RARB: variants seen among roughly 807,000 people sequenced by gnomAD.
The protein encoded by RARB is retinoic acid receptor beta.
A neutral mutation model predicts 51.9 loss-of-function variants in RARB; 17 were observed. The ratio of observed to expected loss-of-function variants is 0.33; its 90% CI spans 0.22 to 0.49. RARB has a LOEUF of 0.49. Ranked by LOEUF, RARB falls within the 20% of genes least tolerant of loss-of-function variation. The pLI is 0.99. For missense variants in RARB, 369 were observed against 550.8 expected, an observed-to-expected ratio of 0.67 and a Z score of 3.30; for synonymous variants, 215 against 195.4, an observed-to-expected ratio of 1.10 and a Z score of -0.84.
At chr3:25,089,204 G>T in intron 3 of RARB, among the ~76,000 whole-genome samples, 1 of 151,232 alleles carries the variant, frequency 6.6e-6, no homozygotes, top group African/African-American at 2.4e-5. Flanking sequence ...GTTTATTTTG[G>T]TTTTCCTCCA....
At chr3:25,031,512 G>C (rs1559440704) in intron 2 of RARB, among the ~76,000 whole-genome samples, 1 of 152,174 alleles carries the variant, frequency 6.6e-6, no homozygotes, top group Non-Finnish European at 1.5e-5. Flanking sequence ...GAATTGCAGA[G>C]GTGGGTGGGT....
rs150132377 is a variant in RARB, at chr3:25,544,690, T to C, written c.449-25068T>C. The stretch of plus-strand genomic sequence containing the variant: ...TCATTCCCCCGCCCCCTCCTCAAAA[T>C]GCCACTTCAGTAATCTACACATTAC... On this transcript the variant is annotated intron_variant, in intron 3 of 7. Coordinates refer to ENST00000330688, the MANE Select transcript of RARB (RefSeq NM_000965.5). 1.7e-3 allele frequency among the ~76,000 whole-genome samples: 251 copies of C among 151,820 alleles called. 1 individual carries two copies. Among genetic ancestry groups the C allele is most frequent in the African/African-American group, 5.7e-3 (234 of 41,362 alleles).
intron 2 of RARB, among the ~76,000 whole-genome samples, chr3:24,979,956 C>T (rs1696606940): frequency 6.6e-6 from 1 of 152,136 alleles, no homozygotes; most frequent in Non-Finnish European, 1.5e-5. Context: ...TCTTGTAAGG[C>T]AGGCCTGGTG....
At chr3:25,430,304 A>G (rs1381730458) in intron 1 of RARB, among the ~76,000 whole-genome samples, 1 of 152,224 alleles carries the variant, frequency 6.6e-6, no homozygotes, top group Admixed American at 6.5e-5. Flanking sequence ...GAGTGTTACA[A>G]AATAATTTTC....
At chr3:24,973,365 T>C (rs977011342) in intron 2 of RARB, among the ~76,000 whole-genome samples, 2 of 152,098 alleles carry the variant, frequency 1.3e-5, no homozygotes, top group Admixed American at 1.3e-4. Flanking sequence ...TTTTGGTTAG[T>C]ATAGCTTTGT....
At chr3:25,218,845 C>A (rs560443002) in intron 5 of RARB, among the ~76,000 whole-genome samples, 2 of 152,258 alleles carry the variant, frequency 1.3e-5, no homozygotes, top group African/African-American at 4.8e-5. Context: ...GACTAACACT[C>A]GACTTTGCTT....
At chr3:25,272,496 G>A (rs1262742636) in intron 5 of RARB, among the ~76,000 whole-genome samples, 1 of 152,184 alleles carries the variant, frequency 6.6e-6, no homozygotes, top group Non-Finnish European at 1.5e-5. Flanking sequence ...TTGAAAGCTG[G>A]ATCCGTTCCT....
chr3:25,163,504 A>AAAAAAAAAAAAATATATATATATATATAT (rs1303712411), intron 4 of RARB, among the ~76,000 whole-genome samples: 2 of 131,126 alleles, frequency 1.5e-5, no homozygotes, highest in African/African-American at 6.4e-5. Context: ...CCTATCTCAA[A>AAAAAAAAAAAAATATATATATATATATAT]ATATATATAT....
At chr3:25,378,067 TTA>T (rs1359036606) in intron 5 of RARB, among the ~76,000 whole-genome samples, 1 of 152,214 alleles carries the variant, frequency 6.6e-6, no homozygotes, top group Non-Finnish European at 1.5e-5. Context: ...GCCATCAAAG[TTA>T]TGTTTTTCAT....
chr3:24,917,246 T>C (rs1017471937), intron 2 of RARB, among the ~76,000 whole-genome samples: 25 of 152,140 alleles, frequency 1.6e-4, no homozygotes, highest in African/African-American at 5.8e-4. Context: ...AGAAAAAAAC[T>C]TCATGACCTT....
At chr3:24,933,120 AGTT>A (rs1027027755) in intron 2 of RARB, among the ~76,000 whole-genome samples, 10 of 152,106 alleles carry the variant, frequency 6.6e-5, no homozygotes, top group Non-Finnish European at 7.4e-5. Context: ...AGAAAAAATA[AGTT>A]GTTTATTTCC....
intron 5 of RARB, among the ~76,000 whole-genome samples, chr3:25,268,854 A>C (rs1320467190): frequency 6.6e-6 from 1 of 152,164 alleles, no homozygotes; most frequent in African/African-American, 2.4e-5. Flanking sequence ...TTGGTATCAA[A>C]ATATTTGTGC....
chr3:25,024,496 C>T (rs1697702007), intron 2 of RARB, among the ~76,000 whole-genome samples: 1 of 152,012 alleles, frequency 6.6e-6, no homozygotes, highest in African/African-American at 2.4e-5. Flanking sequence ...CAAAATGTGC[C>T]TTTGAGATCA....
At chr3:25,100,050 C>G (rs764165923) in intron 3 of RARB, among the ~76,000 whole-genome samples, 1 of 152,136 alleles carries the variant, frequency 6.6e-6, no homozygotes, top group African/African-American at 2.4e-5. Flanking sequence ...ACAAAAACAC[C>G]TGGCTACGCT....
chr3:25,130,728 C>T (rs958278374), intron 3 of RARB, among the ~76,000 whole-genome samples: 2 of 151,982 alleles, frequency 1.3e-5, no homozygotes, highest in Admixed American at 6.6e-5. Flanking sequence ...GCAGGAAATT[C>T]TAAGAGGCCA....
intron 5 of RARB, among the ~76,000 whole-genome samples, chr3:25,194,439 T>A (rs1701181085): frequency 1.3e-5 from 2 of 151,302 alleles, no homozygotes; most frequent in South Asian, 4.1e-4. Context: ...CATAATTTGC[T>A]TGACAGTAGT....
chr3:25,505,891 G>T (rs1449880269), intron 3 of RARB, among the ~76,000 whole-genome samples: 2 of 152,140 alleles, frequency 1.3e-5, no homozygotes, highest in Non-Finnish European at 2.9e-5. Context: ...ATAACATTTG[G>T]ATTATGAAAG....
In RARB at chr3:25,305,676, G is replaced by A. The variant is rs558993697; in HGVS notation, c.178+131101G>A. Among the ~76,000 whole-genome samples the A allele has an allele frequency of 3.3e-5, 5 of 152,254 alleles. No homozygotes were observed. The East Asian group carries it at 9.7e-4, about 30-fold the overall frequency. ...TCATATCTGTCACACCTGAGCCATG[G>A]TGTCCACGACACTCCTACCTAGTGG... On this transcript the variant is annotated intron_variant, in intron 5 of 11. Coordinates refer to the RARB transcript ENST00000383772.
intron 5 of RARB, among the ~76,000 whole-genome samples, chr3:25,281,515 A>G (rs1703522273): frequency 6.6e-6 from 1 of 152,200 alleles, no homozygotes. Flanking sequence ...TGCTTAATTG[A>G]AAGAGATAGA....
Sources: allele counts gnomAD v4.1 joint callset (sites outside exome capture counted in the v4.1 genomes callset), GRCh38; gene constraint gnomAD v4.1.1; transcripts MANE v1.5; gene names NCBI Gene and HGNC (gene_info 2026-07-23, HGNC 2026-07-21).